The following ZFHX3 variants were observed in gnomAD, a reference collection of about 807,000 sequenced individuals.
ZFHX3 encodes zinc finger homeobox 3.
Under a neutral mutation model 279.1 loss-of-function variants are expected in ZFHX3, and 42 were observed. The observed-to-expected ratio is 0.15, with a 90% CI of 0.12 to 0.19. The LOEUF (loss-of-function observed/expected upper bound fraction) is 0.19, where lower values mean the gene tolerates loss of function less well. Ranked by LOEUF, ZFHX3 falls within the 10% of genes least tolerant of loss-of-function variation. ZFHX3 has a pLI of 1.00. For missense variants in ZFHX3, 4,981 were observed against 4,754.0 expected, an observed-to-expected ratio of 1.05 and a Z score of -1.40; for synonymous variants, 2,293 against 1,957.8, an observed-to-expected ratio of 1.17 and a Z score of -4.52.
At chr16:73,118,408 C>T (rs572939303) in intron 7 of ZFHX3, among the ~76,000 whole-genome samples, 72 of 152,110 alleles carry the variant, frequency 4.7e-4, no homozygotes, top group Admixed American at 1.4e-3. Context: ...GGGGTTTCAT[C>T]ATGTTGGCCA....
At chr16:73,249,044 T>C (rs939378658) in intron 5 of ZFHX3, among the ~76,000 whole-genome samples, 1 of 152,206 alleles carries the variant, frequency 6.6e-6, no homozygotes, top group Non-Finnish European at 1.5e-5. Context: ...AGCTCACAAG[T>C]GTCAGTGGTC....
rs1960055591 is a variant in ZFHX3, at chr16:72,935,259, A to G, written c.3216+15210T>C. On this transcript the variant is annotated intron_variant, in intron 3 of 9. Transcript: ENST00000268489. Reference sequence around the variant, plus strand: ...CAGGTCAGAGCTTCTCTCACTGGGAATATGTTCTGCCACCAAAAATGTGGT... The same window carrying G: ...CAGGTCAGAGCTTCTCTCACTGGGAGTATGTTCTGCCACCAAAAATGTGGT... 2.0e-5 allele frequency among the ~76,000 whole-genome samples: 3 copies of G among 152,124 alleles called. No individual in the cohort carries two copies. In the South Asian group the frequency reaches 6.2e-4, roughly 31 times the overall value.
chr16:73,720,358 T>C (rs117779706), intron 1 of ZFHX3, among the ~76,000 whole-genome samples: 3,575 of 152,262 alleles, frequency 0.023, 53 homozygotes, highest in East Asian at 0.034. Context: ...CCTATAGATG[T>C]ATGTATGAAG....
intron 1 of ZFHX3, among the ~76,000 whole-genome samples, chr16:72,975,646 C>A (rs1830844236): frequency 6.6e-6 from 1 of 152,150 alleles, no homozygotes; most frequent in African/African-American, 2.4e-5. Context: ...AAGAGCGGCC[C>A]TGATAGTTAG....
At position 73,537,161 on chromosome 16, in the gene ZFHX3, C is replaced by T. The variant is rs141243535; in HGVS notation, c.-1546-80903G>A. 4.8e-3 allele frequency among the ~76,000 whole-genome samples: 729 copies of T among 152,206 alleles called. 2 individuals carry two copies. The highest frequency in any genetic ancestry group is 6.4e-3 in the Non-Finnish European group (432 of 68,014). Reference sequence around the variant, plus strand: ...ATCCAAGCCCTAAGTAGACATGATGCTTTGGGCTGATGCTTATCTTTAAAA... The same window carrying T: ...ATCCAAGCCCTAAGTAGACATGATGTTTTGGGCTGATGCTTATCTTTAAAA... On this transcript the variant is annotated intron_variant, in intron 2 of 17. Coordinates refer to the ZFHX3 transcript ENST00000641206.
At chr16:73,748,425 G>T (rs2053724084) in intron 1 of ZFHX3, among the ~76,000 whole-genome samples, 2 of 152,036 alleles carry the variant, frequency 1.3e-5, no homozygotes. Context: ...ATAAATTTCA[G>T]ATTTCCTGAG....
At chr16:73,767,653 C>T (rs996530614) in intron 1 of ZFHX3, among the ~76,000 whole-genome samples, 8 of 152,174 alleles carry the variant, frequency 5.3e-5, no homozygotes, top group African/African-American at 1.9e-4. Context: ...TCCAAGACCA[C>T]GACCAGATTC....
rs182887053 is a variant in ZFHX3, at chr16:72,963,478, T to G, written c.-49-3284A>C. 3.9e-5 allele frequency among the ~76,000 whole-genome samples: 6 copies of G among 152,334 alleles called. No individual in the cohort carries two copies. The East Asian group carries it at 1.2e-3, about 29-fold the overall frequency. On this transcript the variant is annotated intron_variant, in intron 1 of 9. Coordinates refer to ENST00000268489, the MANE Select transcript of ZFHX3 (RefSeq NM_006885.4). ...GCTGGCTCACTGTCTGCTTAGCACT[T>G]AAATCTGCCATCTGAAAGGTAATCT...
chr16:73,131,710 A>G (rs761400115), intron 6 of ZFHX3, among the ~76,000 whole-genome samples: 1 of 152,172 alleles, frequency 6.6e-6, no homozygotes, highest in Admixed American at 6.5e-5. Context: ...GTGGTCTCCA[A>G]TGTTGCCTGC....
At chr16:73,566,932 C>A (rs1239211465) in intron 2 of ZFHX3, among the ~76,000 whole-genome samples, 1 of 152,164 alleles carries the variant, frequency 6.6e-6, no homozygotes. Context: ...CTCCCAACCT[C>A]AGGTGATCCG....
At chr16:73,520,982 G>A (rs184583093) in intron 2 of ZFHX3, among the ~76,000 whole-genome samples, 14 of 152,192 alleles carry the variant, frequency 9.2e-5, no homozygotes, top group African/African-American at 1.4e-4. Flanking sequence ...CACAAAACAC[G>A]GTGTACAAAA....
chr16:73,631,422 T>C (rs909550093), intron 2 of ZFHX3, among the ~76,000 whole-genome samples: 1 of 152,222 alleles, frequency 6.6e-6, no homozygotes, highest in African/African-American at 2.4e-5. Context: ...TTAATCTCCA[T>C]GTATCTACCA....
intron 7 of ZFHX3, among the ~76,000 whole-genome samples, chr16:73,121,199 T>C (rs1253973107): frequency 6.6e-6 from 1 of 152,230 alleles, no homozygotes; most frequent in Non-Finnish European, 1.5e-5. Flanking sequence ...CATTTTACTT[T>C]AACAATTGAA....
At chr16:72,961,120 A>G (rs1961554812) in intron 1 of ZFHX3, among the ~76,000 whole-genome samples, 1 of 152,156 alleles carries the variant, frequency 6.6e-6, no homozygotes, top group Non-Finnish European at 1.5e-5. Context: ...CCCCTCCAGC[A>G]GCTTCTATCT....
chr16:73,236,335 C>A (rs1038374110), intron 5 of ZFHX3, among the ~76,000 whole-genome samples: 1 of 152,176 alleles, frequency 6.6e-6, no homozygotes, highest in Non-Finnish European at 1.5e-5. Context: ...CAGTGGCTCA[C>A]GCCTGTAATC....
chr16:73,040,544 G>A (rs1357571448), intron 1 of ZFHX3, among the ~76,000 whole-genome samples: 1 of 152,122 alleles, frequency 6.6e-6, no homozygotes, highest in African/African-American at 2.4e-5. Context: ...CCTGGGGAGG[G>A]GGACAGAAGG....
intron 4 of ZFHX3, among the ~76,000 whole-genome samples, chr16:72,843,443 G>GTA (rs2037396428): frequency 6.6e-6 from 1 of 150,484 alleles, no homozygotes; most frequent in Non-Finnish European, 1.5e-5. Context: ...CCCGGGAGAC[G>GTA]GAGCTTGCAG....
At chr16:73,274,882 C>A (rs2014249293) in intron 4 of ZFHX3, among the ~76,000 whole-genome samples, 1 of 152,184 alleles carries the variant, frequency 6.6e-6, no homozygotes. Flanking sequence ...TATATGACAT[C>A]TGGTGTATAT....
At chr16:73,496,652 T>C (rs938256780) in intron 2 of ZFHX3, among the ~76,000 whole-genome samples, 14 of 152,264 alleles carry the variant, frequency 9.2e-5, no homozygotes, top group African/African-American at 3.4e-4. Context: ...GGTTGGACTC[T>C]GCTCTCAGAT....
Sources: allele counts gnomAD v4.1 joint callset (sites outside exome capture counted in the v4.1 genomes callset), GRCh38; gene constraint gnomAD v4.1.1; transcripts MANE v1.5; gene names NCBI Gene and HGNC (gene_info 2026-07-23, HGNC 2026-07-21).